BRINP3: variants seen among roughly 807,000 people sequenced by gnomAD.
BRINP3 encodes the protein BMP/retinoic acid-inducible neural-specific protein 3.
A neutral mutation model predicts 71.0 loss-of-function variants in BRINP3; 19 were observed. The observed-to-expected ratio is 0.27, with a 90% confidence interval of 0.19 to 0.39. The LOEUF (loss-of-function observed/expected upper bound fraction) is 0.39, where lower values mean the gene tolerates loss of function less well. BRINP3 is among the 10% of genes least tolerant of loss of function. The pLI, the probability that BRINP3 is intolerant of heterozygous loss-of-function variation, is 1.00. For synonymous variants in BRINP3, 380 were observed against 337.7 expected, an observed-to-expected ratio of 1.13 and a Z score of -1.37; for missense variants, 959 against 940.8, an observed-to-expected ratio of 1.02 and a Z score of -0.25.
intron 2 of BRINP3, among the ~76,000 whole-genome samples, chr1:190,414,668 C>T (rs1187048104): frequency 6.6e-6 from 1 of 152,142 alleles, no homozygotes; most frequent in African/African-American, 2.4e-5. Context: ...GTTGCATCCA[C>T]CAATATCCAT....
At chr1:190,223,975 T>C (rs1204641137) in intron 6 of BRINP3, among the ~76,000 whole-genome samples, 3 of 151,742 alleles carry the variant, frequency 2.0e-5, no homozygotes, top group Non-Finnish European at 2.9e-5. Flanking sequence ...GAAATTCTTA[T>C]GCAAAAAGTA....
intron 2 of BRINP3, among the ~76,000 whole-genome samples, chr1:190,308,862 C>A (rs1226561300): frequency 6.6e-6 from 1 of 151,788 alleles, no homozygotes; most frequent in East Asian, 1.9e-4. Flanking sequence ...ATGGTGCAGA[C>A]ACTGTGGAAA....
intron 2 of BRINP3, among the ~76,000 whole-genome samples, chr1:190,405,081 T>C (rs1474145738): frequency 1.3e-5 from 2 of 152,186 alleles, no homozygotes. Context: ...TCCATGTCCT[T>C]CATCCACATT....
chr1:190,425,425 G>A (rs898244905), intron 2 of BRINP3, among the ~76,000 whole-genome samples: 6 of 151,690 alleles, frequency 4.0e-5, no homozygotes, highest in African/African-American at 9.7e-5. Flanking sequence ...AATGAACAGC[G>A]TTTTCATATT....
chr1:190,438,361 T>A (rs922749389), intron 2 of BRINP3, among the ~76,000 whole-genome samples: 6 of 151,772 alleles, frequency 4.0e-5, no homozygotes, highest in African/African-American at 1.4e-4. Flanking sequence ...AATAACACTA[T>A]CAACAGTTTT....
At chr1:190,386,468 CAAAT>C (rs1480967665) in intron 2 of BRINP3, among the ~76,000 whole-genome samples, 2 of 151,518 alleles carry the variant, frequency 1.3e-5, no homozygotes, top group Non-Finnish European at 2.9e-5. Flanking sequence ...AATGTCTAAA[CAAAT>C]AAGTATATTT....
intron 2 of BRINP3, among the ~76,000 whole-genome samples, chr1:190,449,996 T>C (rs191042901): frequency 1.3e-4 from 20 of 152,292 alleles, no homozygotes; most frequent in Non-Finnish European, 2.9e-4. Context: ...AAAATTTAAA[T>C]AGAGAAAAAT....
chr1:190,341,978 C>A (rs2103113999), intron 2 of BRINP3, among the ~76,000 whole-genome samples: 1 of 149,864 alleles, frequency 6.7e-6, no homozygotes, highest in Admixed American at 6.7e-5. Context: ...GGACTGAGTT[C>A]TTCCTGGACA....
intron 7 of BRINP3, among the ~76,000 whole-genome samples, chr1:190,134,027 G>A (rs879359866): frequency 1.2e-4 from 18 of 151,940 alleles, no homozygotes; most frequent in Admixed American, 9.2e-4. Flanking sequence ...ATACAACAGC[G>A]AAAAAGAGAA....
intron 2 of BRINP3, among the ~76,000 whole-genome samples, chr1:190,347,699 A>G (rs143800783): frequency 4.6e-5 from 7 of 152,214 alleles, no homozygotes; most frequent in African/African-American, 1.7e-4. Flanking sequence ...AATGCTATAA[A>G]TTTTTATTCT....
chr1:190,464,188 A>G (rs75354621), intron 1 of BRINP3, among the ~76,000 whole-genome samples: 2,768 of 151,978 alleles, frequency 0.018, 49 homozygotes, highest in Middle Eastern at 0.051. Context: ...ATCCTTAAAG[A>G]AAAATGGTAT....
intron 7 of BRINP3, among the ~76,000 whole-genome samples, chr1:190,149,402 T>C (rs989997688): frequency 5.3e-5 from 8 of 152,194 alleles, no homozygotes; most frequent in Non-Finnish European, 1.2e-4. Context: ...CTCTCCATAT[T>C]ATTGCATATT....
At chr1:190,101,058 G>A (rs1316087786) in intron 7 of BRINP3, among the ~76,000 whole-genome samples, 1 of 152,078 alleles carries the variant, frequency 6.6e-6, no homozygotes, top group African/African-American at 2.4e-5. Context: ...AGATGATGCA[G>A]CAAAAAGGCC....
At chr1:190,417,426 T>A (rs1465322788) in intron 2 of BRINP3, among the ~76,000 whole-genome samples, 1 of 152,138 alleles carries the variant, frequency 6.6e-6, no homozygotes, top group Non-Finnish European at 1.5e-5. Flanking sequence ...ACCTATTATC[T>A]ATTAATATTT....
At chr1:190,378,989 C>T (rs1052141071) in intron 2 of BRINP3, among the ~76,000 whole-genome samples, 1 of 152,178 alleles carries the variant, frequency 6.6e-6, no homozygotes, top group African/African-American at 2.4e-5. Context: ...ACCCAGAAAT[C>T]TCACGTCTTC....
intron 2 of BRINP3, among the ~76,000 whole-genome samples, chr1:190,349,739 A>C (rs1048337213): frequency 6.6e-6 from 1 of 152,146 alleles, no homozygotes; most frequent in Non-Finnish European, 1.5e-5. Context: ...ACATTCTAAA[A>C]TATGAAAAGT....
chr1:190,119,313 T>C (rs1017700424), intron 7 of BRINP3, among the ~76,000 whole-genome samples: 3 of 152,020 alleles, frequency 2.0e-5, no homozygotes, highest in Non-Finnish European at 4.4e-5. Flanking sequence ...AGTCTCACGC[T>C]GTCTCCAGGC....
chr1:190,233,587 A>C (rs940544032), intron 5 of BRINP3, among the ~76,000 whole-genome samples: 2 of 152,132 alleles, frequency 1.3e-5, no homozygotes, highest in East Asian at 1.9e-4. Context: ...TTCAGCTCTA[A>C]GTTATGCAAT....
At chr1:190,256,598 T>A (rs1660684411) in intron 4 of BRINP3, among the ~76,000 whole-genome samples, 1 of 152,198 alleles carries the variant, frequency 6.6e-6, no homozygotes, top group East Asian at 1.9e-4. Flanking sequence ...TCTTTACAAT[T>A]TGGCATGTTT....
Sources: allele counts gnomAD v4.1 joint callset (sites outside exome capture counted in the v4.1 genomes callset), GRCh38; gene constraint gnomAD v4.1.1; transcripts MANE v1.5; gene names NCBI Gene and HGNC (gene_info 2026-07-23, HGNC 2026-07-21).